PRKAR2B: variants seen among roughly 807,000 people sequenced by gnomAD.
The protein encoded by PRKAR2B is cAMP-dependent protein kinase type II-beta regulatory subunit.
A neutral mutation model predicts 49.9 loss-of-function variants in PRKAR2B; 14 were observed. That is an observed-to-expected ratio of 0.28 (90% CI 0.19 to 0.44). The LOEUF (loss-of-function observed/expected upper bound fraction) is 0.44. PRKAR2B is among the 20% of genes least tolerant of loss of function. The pLI, the probability that PRKAR2B is intolerant of heterozygous loss-of-function variation, is 1.00. For synonymous variants in PRKAR2B, 196 were observed against 197.7 expected (o/e 0.99, Z 0.07); for missense variants, 393 against 537.9 (o/e 0.73, Z 2.67).
chr7:107,117,980 T>A (rs1343925415), intron 2 of PRKAR2B, among the ~76,000 whole-genome samples: 1 of 152,178 alleles, frequency 6.6e-6, no homozygotes, highest in Non-Finnish European at 1.5e-5. Flanking sequence ...ACTTAAAGAA[T>A]AAGATTCTGG....
chr7:107,056,827 T>C (rs1310356341), intron 1 of PRKAR2B, among the ~76,000 whole-genome samples: 3 of 152,206 alleles, frequency 2.0e-5, no homozygotes, highest in African/African-American at 7.2e-5. Context: ...CAGTTCAGTC[T>C]CATAGATTTG....
At chr7:107,048,460 T>G (rs1562838936) in intron 1 of PRKAR2B, among the ~76,000 whole-genome samples, 1 of 152,182 alleles carries the variant, frequency 6.6e-6, no homozygotes, top group Non-Finnish European at 1.5e-5. Flanking sequence ...CTCTTGTGAA[T>G]GTCTTTAACG....
intron 4 of PRKAR2B, 110 bp from the exon 5 acceptor site, chr7:107,140,737 A>C: frequency 1.5e-6 from 1 of 685,496 alleles, no homozygotes; most frequent in Non-Finnish European, 2.4e-6. Context: ...AGTGGTAGTT[A>C]TGATTATTTC....
intron 1 of PRKAR2B, among the ~76,000 whole-genome samples, chr7:107,053,111 A>G (rs1056936684): frequency 3.3e-5 from 5 of 152,224 alleles, no homozygotes; most frequent in Non-Finnish European, 5.9e-5. Flanking sequence ...GATTATAGGC[A>G]AGAGCCACCA....
chr7:107,116,772 C>G (rs1795280179), intron 2 of PRKAR2B, among the ~76,000 whole-genome samples: 1 of 151,528 alleles, frequency 6.6e-6, no homozygotes, highest in South Asian at 2.1e-4. Context: ...CAGGTCTATA[C>G]CAAATTACCT....
intron 2 of PRKAR2B, among the ~76,000 whole-genome samples, chr7:107,088,225 C>T (rs1562852482): frequency 6.6e-6 from 1 of 152,126 alleles, no homozygotes; most frequent in African/African-American, 2.4e-5. Context: ...TCAGCATGGT[C>T]TTTCATAGGG....
chr7:107,142,732 G>T (rs747793472), intron 5 of PRKAR2B, among the ~76,000 whole-genome samples: 2 of 151,724 alleles, frequency 1.3e-5, no homozygotes, highest in Non-Finnish European at 2.9e-5. Context: ...TATCAGAGAA[G>T]AAGTCTGTGT....
At chr7:107,084,382 T>C (rs972771103) in intron 2 of PRKAR2B, among the ~76,000 whole-genome samples, 2 of 152,220 alleles carry the variant, frequency 1.3e-5, no homozygotes, top group Non-Finnish European at 1.5e-5. Context: ...TATGTTATTA[T>C]CTTTTCAGCT....
chr7:107,113,967 C>G (rs1795219917), intron 2 of PRKAR2B, among the ~76,000 whole-genome samples: 1 of 152,148 alleles, frequency 6.6e-6, no homozygotes, highest in Non-Finnish European at 1.5e-5. Flanking sequence ...TGGACTCATC[C>G]TCTTAGAAAC....
rs140040920 is a variant in PRKAR2B, at chr7:107,156,094, G to A, written c.919-890G>A. Among the ~76,000 whole-genome samples, 563 of 152,182 alleles carry A rather than the reference G, an allele frequency of 3.7e-3. 12 individuals carry two copies. In the East Asian group the frequency reaches 0.058, roughly 16 times the overall value. On this transcript the variant is annotated intron_variant, in intron 8 of 10. Transcript: ENST00000265717. ...CACAGGGAGGGGAACATCACACACCGGGGCCTGTCAGGGGGTGGGGAGTGA... is the reference window on the plus strand; with the variant it reads ...CACAGGGAGGGGAACATCACACACCAGGGCCTGTCAGGGGGTGGGGAGTGA...
At chr7:107,135,140 C>T (rs1795675705) in intron 4 of PRKAR2B, among the ~76,000 whole-genome samples, 1 of 151,520 alleles carries the variant, frequency 6.6e-6, no homozygotes, top group Admixed American at 6.6e-5. Flanking sequence ...GACAAAAATT[C>T]CAATTTAGAA....
chr7:107,054,267 T>C (rs1793868558), intron 1 of PRKAR2B, among the ~76,000 whole-genome samples: 1 of 152,144 alleles, frequency 6.6e-6, no homozygotes, highest in Admixed American at 6.6e-5. Flanking sequence ...GGCAGGAGAA[T>C]GGCGTGAACC....
chr7:107,059,140 T>C (rs1004858667), intron 1 of PRKAR2B, among the ~76,000 whole-genome samples: 13 of 152,056 alleles, frequency 8.5e-5, no homozygotes, highest in African/African-American at 2.9e-4. Flanking sequence ...ATACAAAAAT[T>C]AGCCGGATGT....
chr7:107,123,006 G>A lies in PRKAR2B; in HGVS notation c.396+1002G>A, dbSNP rs868354909. On this transcript the variant is annotated intron_variant, in intron 3 of 10. Coordinates refer to ENST00000265717, the MANE Select transcript of PRKAR2B (RefSeq NM_002736.3). ...TAAGGTATTTTTACTAATCTGTGAT[G>A]TGCTGTTACCCCTCTGTATAGTCTG... 3.3e-5 allele frequency among the ~76,000 whole-genome samples: 5 copies of A among 152,254 alleles called. No homozygotes were observed. In the South Asian group the frequency reaches 6.2e-4, roughly 19 times the overall value.
At chr7:107,121,547 T>C (rs866729411) in intron 2 of PRKAR2B, among the ~76,000 whole-genome samples, 10 of 152,180 alleles carry the variant, frequency 6.6e-5, no homozygotes, top group South Asian at 2.1e-4. Context: ...TAATATTTGT[T>C]CCATAATATT....
intron 2 of PRKAR2B, among the ~76,000 whole-genome samples, chr7:107,112,252 A>G (rs1446723091): frequency 6.6e-6 from 1 of 151,386 alleles, no homozygotes; most frequent in African/African-American, 2.4e-5. Context: ...ACTTTTATCA[A>G]GAAACAAGTA....
At chr7:107,118,283 T>C (rs1231562600) in intron 2 of PRKAR2B, among the ~76,000 whole-genome samples, 5 of 152,072 alleles carry the variant, frequency 3.3e-5, no homozygotes. Context: ...GGACAAATTG[T>C]GTAGGACATT....
chr7:107,106,763 G>A (rs1051399947), intron 2 of PRKAR2B, among the ~76,000 whole-genome samples: 3 of 152,058 alleles, frequency 2.0e-5, no homozygotes, highest in Non-Finnish European at 2.9e-5. Flanking sequence ...ATCTTACACT[G>A]GAGACCTGGC....
rs779966565 is a variant in PRKAR2B, at chr7:107,045,057, C to T, written c.150C>T (p.Arg50=). The T allele has an allele frequency of 4.5e-6, 7 of 1,544,624 alleles. No individual in the cohort carries two copies. The highest frequency in any genetic ancestry group is 3.9e-5 in the Admixed American group (2 of 51,232). ...QQENERKGTA[R]FGHEGRTWGD... is the part of the protein sequence containing the mutation. ...AGAACGAGCGCAAAGGCACCGCGCG[C>T]TTCGGCCATGAGGGCAGGACCTGGG... is the stretch of plus-strand genomic sequence containing the variant. The change falls in exon 1 of 11, where the codon CGC becomes CGT. Residue 50 remains arginine (R), a synonymous_variant. Coordinates refer to ENST00000265717, the MANE Select transcript of PRKAR2B (RefSeq NM_002736.3).
Sources: gnomAD v4.1 joint callset for allele counts (sites outside exome capture counted in the v4.1 genomes callset) on GRCh38, gnomAD v4.1.1 for gene constraint, MANE v1.5 for transcripts, NCBI Gene and HGNC (gene_info 2026-07-23, HGNC 2026-07-21) for gene names.